Variants in FHOD3 observed in about 807,000 individuals in gnomAD.
FHOD3 encodes formin homology 2 domain containing 3.
A neutral mutation model predicts 173.0 loss-of-function variants in FHOD3; 90 were observed. The ratio of observed to expected loss-of-function variants is 0.52; its 90% CI spans 0.44 to 0.62. The LOEUF (loss-of-function observed/expected upper bound fraction) is 0.62. FHOD3 is among the 20% of genes least tolerant of loss of function. The pLI is 0.00. For synonymous variants in FHOD3, 828 were observed against 823.0 expected, an observed-to-expected ratio of 1.01 and a Z score of -0.10; for missense variants, 1,945 against 2,034.7, an observed-to-expected ratio of 0.96 and a Z score of 0.85.
At chr18:36,422,576 G>T (rs562148831) in intron 3 of FHOD3, among the ~76,000 whole-genome samples, 1 of 152,252 alleles carries the variant, frequency 6.6e-6, no homozygotes, top group Non-Finnish European at 1.5e-5. Flanking sequence ...CTTCCATAGG[G>T]CTTGTTCTAA....
intron 3 of FHOD3, among the ~76,000 whole-genome samples, chr18:36,467,449 A>T (rs2053010336): frequency 6.6e-6 from 1 of 152,062 alleles, no homozygotes; most frequent in Admixed American, 6.5e-5. Context: ...TGGTTACCCT[A>T]GAAGCTCTCC....
At chr18:36,510,400 C>G (rs1052221084) in intron 4 of FHOD3, among the ~76,000 whole-genome samples, 1 of 152,106 alleles carries the variant, frequency 6.6e-6, no homozygotes, top group Non-Finnish European at 1.5e-5. Context: ...TTTCTCCTTC[C>G]TGAGTGCCTT....
At chr18:36,613,016 A>G (rs1022640161) in intron 9 of FHOD3, among the ~76,000 whole-genome samples, 1 of 152,166 alleles carries the variant, frequency 6.6e-6, no homozygotes, top group Non-Finnish European at 1.5e-5. Flanking sequence ...CTAACATGGG[A>G]AGGTAACAGG....
chr18:36,467,470 C>T (rs2053012212), intron 3 of FHOD3, among the ~76,000 whole-genome samples: 2 of 152,224 alleles, frequency 1.3e-5, no homozygotes, highest in South Asian at 4.1e-4. Context: ...AGCTTGGGGT[C>T]CCCTTCTTCC....
At chr18:36,684,141 A>ACAAAC (rs1190976430) in intron 15 of FHOD3, among the ~76,000 whole-genome samples, 1 of 152,202 alleles carries the variant, frequency 6.6e-6, no homozygotes. Flanking sequence ...ATCCCAGAAA[A>ACAAAC]CTGAATTAAT....
intron 16 of FHOD3, among the ~76,000 whole-genome samples, chr18:36,692,463 C>T (rs1439785497): frequency 6.6e-6 from 1 of 152,208 alleles, no homozygotes; most frequent in Admixed American, 6.5e-5. Context: ...TTATTTTGGT[C>T]TGATCTATAA....
At chr18:36,307,538 T>A (rs527470634) in intron 1 of FHOD3, among the ~76,000 whole-genome samples, 1 of 152,366 alleles carries the variant, frequency 6.6e-6, no homozygotes, top group African/African-American at 2.4e-5. Flanking sequence ...AGCTGTTTTA[T>A]GCCCATGAGA....
intron 4 of FHOD3, among the ~76,000 whole-genome samples, chr18:36,503,037 A>G (rs1486992330): frequency 6.6e-6 from 1 of 152,164 alleles, no homozygotes; most frequent in East Asian, 1.9e-4. Flanking sequence ...AAACCATGCT[A>G]TTGTGGCTAT....
chr18:36,585,015 GTATAT>G (rs1168710212), intron 6 of FHOD3, among the ~76,000 whole-genome samples: 1 of 151,988 alleles, frequency 6.6e-6, no homozygotes, highest in African/African-American at 2.4e-5. Context: ...TTAACTCTGA[GTATAT>G]TATAAGCATT....
intron 27 of FHOD3, among the ~76,000 whole-genome samples, chr18:36,761,706 C>T (rs2042888491): frequency 6.6e-6 from 1 of 152,108 alleles, no homozygotes; most frequent in Admixed American, 6.5e-5. Context: ...CTTCCATGCA[C>T]TCCAGAGACC....
Position 36,625,704 on chromosome 18 carries a change from C to T in FHOD3, c.1151C>T (p.Ser384Leu). The T allele has an allele frequency of 6.2e-7, 1 of 1,610,316 alleles. No individual in the cohort carries two copies. Among genetic ancestry groups the T allele is most frequent in the Non-Finnish European group, 8.5e-7 (1 of 1,177,858 alleles). ...GCCCCCACCAGTCCCTGCTCCCAGT[C>T]AGCTCCCAGCTTCAAGCCCAACCAA... is the stretch of plus-strand genomic sequence containing the variant. ...LSAPTSPCSQSAPSFKPNQVR... is the reference protein window; with the variant it reads ...LSAPTSPCSQLAPSFKPNQVR... Residue 384 changes from serine (S) to leucine (L), a missense_variant, in exon 10 of 29, where the codon TCA becomes TTA. Physicochemically the swap from Ser to Leu is moderately radical, Grantham distance 145 (BLOSUM62 -2). Transcript: ENST00000590592.
chr18:36,421,835 A>G (rs772322477), intron 3 of FHOD3, among the ~76,000 whole-genome samples: 49 of 152,116 alleles, frequency 3.2e-4, no homozygotes, highest in Non-Finnish European at 6.3e-4. Context: ...TAGGCAGTCT[A>G]TAGTGTGGGG....
At chr18:36,467,206 G>A in intron 3 of FHOD3, among the ~76,000 whole-genome samples, 1 of 152,158 alleles carries the variant, frequency 6.6e-6, no homozygotes, top group East Asian at 1.9e-4. Context: ...CGTCTTAGGA[G>A]CCTCACATGC....
intron 1 of FHOD3, among the ~76,000 whole-genome samples, chr18:36,331,517 G>A (rs1353077094): frequency 2.0e-5 from 3 of 152,240 alleles, no homozygotes; most frequent in Non-Finnish European, 4.4e-5. Flanking sequence ...AAACCACACA[G>A]TGATCTAAAC....
intron 5 of FHOD3, among the ~76,000 whole-genome samples, chr18:36,542,820 A>G (rs1326389871): frequency 6.6e-6 from 1 of 152,166 alleles, no homozygotes; most frequent in Non-Finnish European, 1.5e-5. Flanking sequence ...AAAAACACCT[A>G]ATATATTTGG....
intron 2 of FHOD3, among the ~76,000 whole-genome samples, chr18:36,360,037 C>G (rs2046534092): frequency 6.6e-6 from 1 of 152,188 alleles, no homozygotes; most frequent in African/African-American, 2.4e-5. Context: ...GAGGTTTGCC[C>G]ACAGGGCTGA....
intron 1 of FHOD3, among the ~76,000 whole-genome samples, chr18:36,352,487 A>G (rs2046176208): frequency 1.3e-5 from 2 of 152,168 alleles, no homozygotes. Context: ...TTCTAACCCC[A>G]TGCTCAGCGA....
chr18:36,418,156 G>A (rs58599708), intron 3 of FHOD3, among the ~76,000 whole-genome samples: 3,182 of 152,288 alleles, frequency 0.021, 101 homozygotes, highest in Admixed American at 0.083. Flanking sequence ...TTGCCATTTG[G>A]AATTTGGAAA....
chr18:36,670,025 G>GT (rs140772186), intron 14 of FHOD3, among the ~76,000 whole-genome samples: 10,685 of 150,106 alleles, frequency 0.071, 486 homozygotes, highest in Middle Eastern at 0.18. Context: ...AGTTGATAGC[G>GT]TTTTTTTTTC....
Sources: gnomAD v4.1 joint callset for allele counts (sites outside exome capture counted in the v4.1 genomes callset) on GRCh38, gnomAD v4.1.1 for gene constraint, MANE v1.5 for transcripts, NCBI Gene and HGNC (gene_info 2026-07-23, HGNC 2026-07-21) for gene names.